DR1: variants seen among roughly 807,000 people sequenced by gnomAD.
DR1 encodes protein Dr1.
In DR1, 7 loss-of-function variants were observed where a neutral mutation model predicts 19.9. The observed-to-expected ratio is 0.35, with a 90% CI of 0.20 to 0.66. The LOEUF (loss-of-function observed/expected upper bound fraction) is 0.66, where lower values mean the gene tolerates loss of function less well. Ranked by LOEUF, DR1 falls within the 30% of genes least tolerant of loss-of-function variation. DR1 has a pLI of 0.66. For synonymous variants in DR1, 76 were observed against 72.5 expected, an observed-to-expected ratio of 1.05 and a Z score of -0.24; for missense variants, 98 against 203.7, an observed-to-expected ratio of 0.48 and a Z score of 3.16.
At chr1:93,351,616 T>C (rs1013413610) in intron 1 of DR1, among the ~76,000 whole-genome samples, 5 of 151,990 alleles carry the variant, frequency 3.3e-5, no homozygotes, top group Admixed American at 6.5e-5. Flanking sequence ...TTCTGTTTTT[T>C]GTAGAGACAA....
Position 93,364,280 on chromosome 1 carries a change from C to G in DR1, c.*3641C>G, listed in dbSNP as rs1339890898. 4 of 152,106 alleles carry G rather than the reference C, an allele frequency of 2.6e-5. No individual in the cohort carries two copies. Among genetic ancestry groups the G allele is most frequent in the African/African-American group, 9.7e-5 (4 of 41,416 alleles). 9.4% of individuals were successfully genotyped at this position (152,106 alleles called of 1,614,324 possible). A position where few individuals can be genotyped will look rare whatever the true frequency, so the allele number is the denominator to read the frequency against. On this transcript the variant is annotated 3_prime_UTR_variant, in exon 3 of 3. Transcript: ENST00000370272. ...TTAACTGACACATTAGTATTACATA[C>G]TCATTAGGTTATTGCTCCTTAGAAA...
chr1:93,362,503 G>A lies in DR1; in HGVS notation c.*1864G>A, dbSNP rs1303678620. On this transcript the variant is annotated 3_prime_UTR_variant, in exon 3 of 3. Transcript: ENST00000370272. ...TACTGCATCTGATAATGTATTATACGTTTGAAGCCTAGTGACTTTTCATTT... is the reference window on the plus strand; with the variant it reads ...TACTGCATCTGATAATGTATTATACATTTGAAGCCTAGTGACTTTTCATTT... 2.7e-5 allele frequency: 4 copies of A among 147,234 alleles called. No individual in the cohort carries two copies. The highest frequency in any genetic ancestry group is 4.3e-4 in the South Asian group (2 of 4,694). The allele number at this position is 147,234 out of a possible 1,614,324, so 9.1% of individuals were successfully genotyped here.
intron 2 of DR1, 73 bp downstream of exon 2, chr1:93,354,144 A>G: frequency 6.9e-7 from 1 of 1,444,564 alleles, no homozygotes; most frequent in South Asian, 1.3e-5. Context: ...TCCTAAATTA[A>G]CAGACATACC....
At chr1:93,360,364 A>G (rs962952541) in intron 2 of DR1, 129 bp from the exon 3 acceptor site, 4 of 781,858 alleles carry the variant, frequency 5.1e-6, no homozygotes, top group African/African-American at 3.7e-5. Context: ...TGACAATTAC[A>G]TAGTACTTGG....
In DR1 at chr1:93,369,117, C is replaced by T. The variant is rs934196459; in HGVS notation, c.*8478C>T. The T allele has an allele frequency of 1.3e-5, 2 of 152,098 alleles. No homozygotes were observed. The highest frequency in any genetic ancestry group is 2.9e-5 in the Non-Finnish European group (2 of 67,994). The allele number at this position is 152,098 out of a possible 1,614,324, so 9.4% of individuals were successfully genotyped here. On this transcript the variant is annotated 3_prime_UTR_variant, in exon 3 of 3. Coordinates refer to ENST00000370272, the MANE Select transcript of DR1 (RefSeq NM_001938.3). Reference sequence around the variant, plus strand: ...TGGTATCCTTGGGGTATCCTGGAACCAATCCCTGGCGGATACCAAGGGATG... The same window carrying T: ...TGGTATCCTTGGGGTATCCTGGAACTAATCCCTGGCGGATACCAAGGGATG...
At chr1:93,352,011 T>C (rs1666918195) in intron 1 of DR1, among the ~76,000 whole-genome samples, 1 of 152,222 alleles carries the variant, frequency 6.6e-6, no homozygotes, top group Non-Finnish European at 1.5e-5. Context: ...AAACGCCTTA[T>C]ATTAATTACC....
chr1:93,368,971 A>G lies in DR1; in HGVS notation c.*8332A>G, dbSNP rs1311316412. On this transcript the variant is annotated 3_prime_UTR_variant, in exon 3 of 3. Transcript: ENST00000370272. ...TTGAAAACATTTGGGGAAAAAACAA[A>G]AAATAACCCAACAATGAAATAGTAT... 3 of 152,296 alleles carry G rather than the reference A, an allele frequency of 2.0e-5. No individual in the cohort carries two copies. The highest frequency in any genetic ancestry group is 2.9e-5 in the Non-Finnish European group (2 of 68,004). The allele number at this position is 152,296 out of a possible 1,614,324, so 9.4% of individuals were successfully genotyped here.
chr1:93,358,793 A>G (rs1022917957), intron 2 of DR1, among the ~76,000 whole-genome samples: 2 of 152,182 alleles, frequency 1.3e-5, no homozygotes, highest in African/African-American at 2.4e-5. Context: ...TTGTTTAACA[A>G]TTCTTCGTAT....
In DR1 at chr1:93,360,618, A is replaced by G. The variant is rs1337413410; in HGVS notation, c.510A>G (p.Glu170=). 3 of 1,519,480 alleles carry G rather than the reference A, an allele frequency of 2.0e-6. No homozygotes were observed. Among genetic ancestry groups the G allele is most frequent in the Admixed American group, 1.9e-5 (1 of 52,440 alleles). The allele number at this position is 1,519,480 out of a possible 1,614,324, so 94.1% of individuals were successfully genotyped here. The stretch of plus-strand genomic sequence containing the variant: ...ATCAGGCGGGATCTTCTCAGGATGA[A>G]GAAGATGATGATGATATCTGAAATT... The part of the protein sequence containing the change: ...ASNQAGSSQD[E]EDDDDI The change falls in exon 3 of 3, where the codon GAA becomes GAG. Residue 170 remains glutamate (E), a synonymous_variant. Transcript: ENST00000370272.
intron 1 of DR1, among the ~76,000 whole-genome samples, chr1:93,353,129 A>G (rs1418396188): frequency 6.6e-6 from 1 of 152,030 alleles, no homozygotes; most frequent in African/African-American, 2.4e-5. Context: ...TCCTGGACTA[A>G]AGGGATCCTC....
At chr1:93,356,407 C>G (rs1284761428) in intron 2 of DR1, among the ~76,000 whole-genome samples, 2 of 151,652 alleles carry the variant, frequency 1.3e-5, no homozygotes. Context: ...GAGCCCAGCT[C>G]AACAGTTAGT....
rs1217231968 is a variant in DR1 at position 93,367,457 on chromosome 1, T to C, written c.*6818T>C. The C allele has an allele frequency of 1.3e-5, 2 of 152,216 alleles. No individual in the cohort carries two copies. Among genetic ancestry groups the C allele is most frequent in the Non-Finnish European group, 2.9e-5 (2 of 68,046 alleles). 9.4% of individuals were successfully genotyped at this position (152,216 alleles called of 1,614,324 possible). ...GCTTATTTCAGTTCAGTGTCTTGGGTAGCTGGAGCCTATCCCAGCAGCTCA... is the reference window on the plus strand; with the variant it reads ...GCTTATTTCAGTTCAGTGTCTTGGGCAGCTGGAGCCTATCCCAGCAGCTCA... On this transcript the variant is annotated 3_prime_UTR_variant, in exon 3 of 3. Transcript: ENST00000370272.
At chr1:93,358,606 G>A (rs560221571) in intron 2 of DR1, among the ~76,000 whole-genome samples, 3 of 152,232 alleles carry the variant, frequency 2.0e-5, no homozygotes, top group African/African-American at 7.2e-5. Context: ...CCATTCTTCC[G>A]AGGCCTGAGT....
rs1667052024 is a variant in DR1, at chr1:93,361,502, A to G, written c.*863A>G. On this transcript the variant is annotated 3_prime_UTR_variant, in exon 3 of 3. Coordinates refer to ENST00000370272, the MANE Select transcript of DR1 (RefSeq NM_001938.3). ...TACATTGGTTCTCTTGGTTTAACTG[A>G]GGTTTATGAATATTCAAACCTTTGC... 1 of 152,556 alleles carries G rather than the reference A, an allele frequency of 6.6e-6. No individual in the cohort carries two copies. 9.5% of individuals were successfully genotyped at this position (152,556 alleles called of 1,614,324 possible). A position where few individuals can be genotyped will look rare whatever the true frequency, so the allele number is the denominator to read the frequency against.
At chr1:93,348,898 G>C (rs1666884364) in intron 1 of DR1, among the ~76,000 whole-genome samples, 1 of 151,996 alleles carries the variant, frequency 6.6e-6, no homozygotes, top group Non-Finnish European at 1.5e-5. Flanking sequence ...TTTGTTTTGA[G>C]AGATTACATT....
rs55792701 is a variant in DR1, at chr1:93,362,826, CTTTTTTTTTTTTTTTTT to C, written c.*2199_*2215del. On this transcript the variant is annotated 3_prime_UTR_variant, in exon 3 of 3. Transcript: ENST00000370272. ...GCAATATTTTATTTTTAGGTTTTTT[CTTTTTTTTTTTTTTTTT>C]TTTTTTTTTTTAGCATTTAAGAGTC... The C allele has an allele frequency of 9.5e-5, 5 of 52,848 alleles. No individual in the cohort carries two copies. Among genetic ancestry groups the C allele is most frequent in the Admixed American group, 2.0e-4 (1 of 5,054 alleles). The allele number at this position is 52,848 out of a possible 1,614,324, so 3.3% of individuals were successfully genotyped here.
intron 1 of DR1, among the ~76,000 whole-genome samples, chr1:93,352,469 T>C (rs1666925717): frequency 6.6e-6 from 1 of 152,228 alleles, no homozygotes; most frequent in South Asian, 2.1e-4. Context: ...GACAGTACTA[T>C]GCTTTTTGGC....
chr1:93,359,397 A>G (rs1233942555), intron 2 of DR1, among the ~76,000 whole-genome samples: 1 of 152,182 alleles, frequency 6.6e-6, no homozygotes, highest in African/African-American at 2.4e-5. Flanking sequence ...AAAGGATATA[A>G]ACTTAGATAA....
chr1:93,360,626 A>G lies in DR1; in HGVS notation c.518A>G (p.Asp173Gly), dbSNP rs1302682132. Residue 173 changes from aspartate (D) to glycine (G), a missense_variant, in exon 3 of 3, where the codon GAT becomes GGT. Coordinates refer to ENST00000370272, the MANE Select transcript of DR1 (RefSeq NM_001938.3). The part of the protein sequence containing the change: ...QAGSSQDEED[D>G]DDI The stretch of plus-strand genomic sequence containing the variant: ...GGATCTTCTCAGGATGAAGAAGATG[A>G]TGATGATATCTGAAATTCACCAGCT... The G allele has an allele frequency of 1.3e-6, 2 of 1,587,050 alleles. No individual in the cohort carries two copies. The highest frequency in any genetic ancestry group is 1.7e-6 in the Non-Finnish European group (2 of 1,171,168).
Sources: gnomAD v4.1 joint callset for allele counts (sites outside exome capture counted in the v4.1 genomes callset) on GRCh38, gnomAD v4.1.1 for gene constraint, MANE v1.5 for transcripts, NCBI Gene and HGNC (gene_info 2026-07-23, HGNC 2026-07-21) for gene names.